RALYL: variants seen among roughly 807,000 people sequenced by gnomAD.
RALYL encodes the protein RALY RNA binding protein like.
RALYL carries 29 observed loss-of-function variants against 35.1 expected under a neutral mutation model. The observed-to-expected ratio is 0.83, with a 90% CI of 0.61 to 1.13. The LOEUF is 1.13. RALYL is among the 50% of genes most tolerant of loss of function. The pLI is 0.00. For missense variants in RALYL, 359 were observed against 360.4 expected (o/e 1.00, Z 0.03); for synonymous variants, 120 against 127.6 (o/e 0.94, Z 0.40).
rs189084392 is a variant in RALYL, at chr8:84,863,011, G to A, written c.571+558G>A. On this transcript the variant is annotated intron_variant, in intron 6 of 8. Transcript: ENST00000521268. ...TTCACATTAATTAGTAAAAAGCAGC[G>A]ATACAAACTTTCCAACTAAACACAT... is the stretch of plus-strand genomic sequence containing the variant. Among the ~76,000 whole-genome samples, 961 of 152,178 alleles carry A rather than the reference G, an allele frequency of 6.3e-3. 8 individuals are homozygous for A. Among genetic ancestry groups the A allele is most frequent in the Admixed American group, 0.012 (183 of 15,280 alleles).
intron 2 of RALYL, among the ~76,000 whole-genome samples, chr8:84,633,997 A>G (rs1189798099): frequency 6.6e-6 from 1 of 151,886 alleles, no homozygotes; most frequent in Non-Finnish European, 1.5e-5. Context: ...TAAATAACTT[A>G]GTACAGTTCC....
chr8:84,813,018 C>A (rs928410679), intron 4 of RALYL, among the ~76,000 whole-genome samples: 1 of 152,188 alleles, frequency 6.6e-6, no homozygotes, highest in Non-Finnish European at 1.5e-5. Flanking sequence ...TCTGGCCACC[C>A]TCCTGATGGA....
At chr8:84,757,350 T>C (rs991589210) in intron 2 of RALYL, among the ~76,000 whole-genome samples, 1 of 152,140 alleles carries the variant, frequency 6.6e-6, no homozygotes, top group African/African-American at 2.4e-5. Context: ...AAAATAATAA[T>C]GGAGACCAAT....
intron 5 of RALYL, among the ~76,000 whole-genome samples, chr8:84,858,675 T>TAAAGAAATTTCTTTGATAAAA (rs1347975038): frequency 6.6e-6 from 1 of 152,230 alleles, no homozygotes; most frequent in Non-Finnish European, 1.5e-5. Context: ...ATTTCTTTGA[T>TAAAGAAATTTCTTTGATAAAA]TTACTGTAGG....
chr8:84,611,064 TG>T (rs1297297762), intron 2 of RALYL, among the ~76,000 whole-genome samples: 1 of 152,112 alleles, frequency 6.6e-6, no homozygotes, highest in Non-Finnish European at 1.5e-5. Context: ...TTGTTTCTAC[TG>T]CAGTACCATT....
At chr8:84,557,923 G>T (rs1368543171) in intron 2 of RALYL, among the ~76,000 whole-genome samples, 1 of 152,186 alleles carries the variant, frequency 6.6e-6, no homozygotes, top group Admixed American at 6.5e-5. Context: ...GTAAGACAAT[G>T]TAGAAGTCTA....
intron 5 of RALYL, among the ~76,000 whole-genome samples, chr8:84,856,326 A>G (rs1368059560): frequency 6.6e-6 from 1 of 152,234 alleles, no homozygotes; most frequent in Admixed American, 6.5e-5. Flanking sequence ...TTAGTGGCTT[A>G]TAACCCCACA....
intron 8 of RALYL, among the ~76,000 whole-genome samples, chr8:84,913,203 GT>G (rs1390104247): frequency 2.0e-5 from 3 of 152,064 alleles, no homozygotes; most frequent in East Asian, 3.9e-4. Flanking sequence ...CTTTATCAAA[GT>G]TCAGTCTAGT....
At chr8:84,441,320 G>T (rs944054703) in intron 1 of RALYL, among the ~76,000 whole-genome samples, 1 of 152,014 alleles carries the variant, frequency 6.6e-6, no homozygotes, top group African/African-American at 2.4e-5. Flanking sequence ...ATTTCAAGTT[G>T]TTCATAATTT....
At chr8:84,199,959 G>A (rs536271911) in intron 1 of RALYL, among the ~76,000 whole-genome samples, 5 of 152,226 alleles carry the variant, frequency 3.3e-5, no homozygotes, top group Non-Finnish European at 5.9e-5. Flanking sequence ...TAGCCTGGGA[G>A]TTCTGTAGAT....
At chr8:84,620,285 G>C (rs1336579357) in intron 2 of RALYL, among the ~76,000 whole-genome samples, 8 of 151,580 alleles carry the variant, frequency 5.3e-5, no homozygotes, top group Non-Finnish European at 1.0e-4. Context: ...TGGAGGCTTT[G>C]CTCATTTCTT....
intron 2 of RALYL, among the ~76,000 whole-genome samples, chr8:84,749,229 C>G (rs1212104119): frequency 6.6e-6 from 1 of 152,108 alleles, no homozygotes; most frequent in African/African-American, 2.4e-5. Context: ...GGTTCTCAGC[C>G]TAAACACTGT....
Position 84,316,779 on chromosome 8 carries a change from T to A in RALYL, c.-24+132355T>A, listed in dbSNP as rs1323321407. 3.9e-5 allele frequency among the ~76,000 whole-genome samples: 6 copies of A among 152,248 alleles called. No homozygotes were observed. In the East Asian group the frequency reaches 9.6e-4, roughly 24 times the overall value. On this transcript the variant is annotated intron_variant, in intron 1 of 8. Coordinates refer to ENST00000521268, the MANE Select transcript of RALYL (RefSeq NM_173848.7). ...GTCTCTATTCTGACCGAGTAAGAAA[T>A]AGACACATATGGGAGGTTTTCTATT...
intron 4 of RALYL, among the ~76,000 whole-genome samples, chr8:84,811,498 A>G (rs1825900779): frequency 6.6e-6 from 1 of 152,092 alleles, no homozygotes; most frequent in African/African-American, 2.4e-5. Flanking sequence ...TGCCTAGGTG[A>G]TGATATTGTT....
At chr8:84,317,701 G>T (rs1844018814) in intron 1 of RALYL, among the ~76,000 whole-genome samples, 1 of 152,120 alleles carries the variant, frequency 6.6e-6, no homozygotes, top group South Asian at 2.1e-4. Flanking sequence ...AGAGAGAAGG[G>T]ATGTATATTC....
At chr8:84,735,398 T>C (rs1847066829) in intron 2 of RALYL, among the ~76,000 whole-genome samples, 1 of 152,068 alleles carries the variant, frequency 6.6e-6, no homozygotes, top group African/African-American at 2.4e-5. Context: ...TTAAAAATTT[T>C]TCTCATATTA....
intron 2 of RALYL, among the ~76,000 whole-genome samples, chr8:84,641,740 G>T (rs997860807): frequency 7.1e-6 from 1 of 139,914 alleles, no homozygotes; most frequent in African/African-American, 2.7e-5. Context: ...TAACTCAGAA[G>T]ATTCAGCTGT....
chr8:84,824,109 A>C (rs1252497666), intron 4 of RALYL, among the ~76,000 whole-genome samples: 2 of 152,124 alleles, frequency 1.3e-5, no homozygotes, highest in Non-Finnish European at 2.9e-5. Flanking sequence ...GAATGCCCTA[A>C]AGACTCCACC....
intron 4 of RALYL, among the ~76,000 whole-genome samples, chr8:84,836,939 G>T (rs960690448): frequency 2.6e-5 from 4 of 152,078 alleles, no homozygotes; most frequent in African/African-American, 9.7e-5. Context: ...AAAACATATT[G>T]TCCATACCTG....
Sources: gnomAD v4.1 joint callset for allele counts (sites outside exome capture counted in the v4.1 genomes callset) on GRCh38, gnomAD v4.1.1 for gene constraint, MANE v1.5 for transcripts, NCBI Gene and HGNC (gene_info 2026-07-23, HGNC 2026-07-21) for gene names.